Variants in SLC9B1 observed in about 807,000 individuals in gnomAD.
SLC9B1 encodes solute carrier family 9 member B1.
A neutral mutation model predicts 51.7 loss-of-function variants in SLC9B1; 32 were observed. That is an observed-to-expected ratio of 0.62 (90% CI 0.47 to 0.83). SLC9B1 has a LOEUF of 0.83. Among genes scored for constraint, SLC9B1 ranks in the 40% least tolerant of loss-of-function variants. The pLI, the probability that SLC9B1 is intolerant of heterozygous loss-of-function variation, is 0.00. For synonymous variants in SLC9B1, 145 were observed against 212.7 expected, an observed-to-expected ratio of 0.68 and a Z score of 2.77; for missense variants, 406 against 613.2, an observed-to-expected ratio of 0.66 and a Z score of 3.57.
At chr4:102,979,936 G>A (rs777331848) in intron 3 of SLC9B1, among the ~76,000 whole-genome samples, 17 of 151,972 alleles carry the variant, frequency 1.1e-4, no homozygotes, top group Non-Finnish European at 1.5e-4. Flanking sequence ...GTGGGTAAAG[G>A]ACATGAGCAG....
At chr4:102,944,069 G>T (rs1366393305) in intron 6 of SLC9B1, among the ~76,000 whole-genome samples, 1 of 152,120 alleles carries the variant, frequency 6.6e-6, no homozygotes, top group Non-Finnish European at 1.5e-5. Context: ...ACGAGATCAT[G>T]TCCTTTGGAG....
At chr4:102,954,653 A>G (rs1352746057) in intron 3 of SLC9B1, among the ~76,000 whole-genome samples, 1 of 152,136 alleles carries the variant, frequency 6.6e-6, no homozygotes, top group African/African-American at 2.4e-5. Flanking sequence ...AAGACAAATG[A>G]AAGATATTGT....
chr4:102,902,909 T>C (rs2110422956), intron 11 of SLC9B1, among the ~76,000 whole-genome samples: 1 of 152,336 alleles, frequency 6.6e-6, no homozygotes, highest in South Asian at 2.1e-4. Flanking sequence ...AATTTTATGT[T>C]AGCAGCAGAG....
At chr4:102,962,039 C>T in intron 3 of SLC9B1, 1 of 323,946 alleles carries the variant, frequency 3.1e-6, no homozygotes, top group South Asian at 2.6e-5. Context: ...CCTCCATTGC[C>T]TTGCTCTCAG....
chr4:102,998,970 T>A (rs1740371633), intron 1 of SLC9B1, among the ~76,000 whole-genome samples: 1 of 152,260 alleles, frequency 6.6e-6, no homozygotes, highest in East Asian at 1.9e-4. Context: ...AGGGATCCTC[T>A]GCCTCAGCCT....
At chr4:102,940,714 C>G (rs1278467449) in intron 6 of SLC9B1, among the ~76,000 whole-genome samples, 47 of 152,218 alleles carry the variant, frequency 3.1e-4, no homozygotes, top group African/African-American at 1.1e-3. Flanking sequence ...GGGAGAAAAT[C>G]TTTACAAACT....
At chr4:102,930,431 AT>A (rs1007364766) in intron 7 of SLC9B1, among the ~76,000 whole-genome samples, 1 of 152,032 alleles carries the variant, frequency 6.6e-6, no homozygotes, top group African/African-American at 2.4e-5. Flanking sequence ...TTAAAAAAAA[AT>A]TTTTTTTGAG....
chr4:102,998,223 T>A (rs1740327769), intron 1 of SLC9B1, among the ~76,000 whole-genome samples: 2 of 152,314 alleles, frequency 1.3e-5, no homozygotes, highest in East Asian at 3.9e-4. Context: ...TCTGTCTCTA[T>A]GAATGTGAAT....
intron 3 of SLC9B1, among the ~76,000 whole-genome samples, chr4:102,949,886 G>A (rs367944561): frequency 2.0e-5 from 3 of 151,926 alleles, no homozygotes; most frequent in African/African-American, 4.8e-5. Context: ...GCTTGAACCC[G>A]GGAGGTGGAG....
intron 6 of SLC9B1, among the ~76,000 whole-genome samples, chr4:102,942,325 A>C (rs142442299): frequency 6.6e-6 from 1 of 152,278 alleles, no homozygotes; most frequent in East Asian, 1.9e-4. Flanking sequence ...TAGAAAAAGC[A>C]ATCCTAAAAT....
chr4:102,963,014 G>A, intron 3 of SLC9B1: 1 of 458,242 alleles, frequency 2.2e-6, no homozygotes, highest in South Asian at 1.6e-5. Context: ...GATGTGCATG[G>A]TCCACTGTAT....
intron 3 of SLC9B1, among the ~76,000 whole-genome samples, chr4:102,955,751 C>G (rs1244345427): frequency 6.6e-6 from 1 of 150,928 alleles, no homozygotes; most frequent in Non-Finnish European, 1.5e-5. Flanking sequence ...GCTGCACGTT[C>G]TGCACATGTA....
chr4:103,015,746 A>G (rs1004174417), intron 1 of SLC9B1, among the ~76,000 whole-genome samples: 4 of 152,216 alleles, frequency 2.6e-5, no homozygotes, highest in African/African-American at 9.7e-5. Flanking sequence ...AAGTATCAGT[A>G]TCAGGCCGAA....
intron 1 of SLC9B1, among the ~76,000 whole-genome samples, chr4:103,009,914 C>T (rs1221764495): frequency 9.5e-6 from 1 of 105,448 alleles, no homozygotes; most frequent in African/African-American, 4.5e-5. Context: ...CAAACTAGGT[C>T]AGTATTTTTT....
At chr4:103,008,116 G>A (rs946187773) in intron 1 of SLC9B1, among the ~76,000 whole-genome samples, 1 of 151,938 alleles carries the variant, frequency 6.6e-6, no homozygotes, top group African/African-American at 2.4e-5. Flanking sequence ...AATCCTTTTC[G>A]GAATGAGGTA....
chr4:102,894,263 T>C (rs1287562852), intron 11 of SLC9B1, among the ~76,000 whole-genome samples: 1 of 152,206 alleles, frequency 6.6e-6, no homozygotes, highest in Non-Finnish European at 1.5e-5. Flanking sequence ...GTATTTTAAA[T>C]CATGAAACAA....
intron 3 of SLC9B1, among the ~76,000 whole-genome samples, chr4:102,961,380 A>G (rs186264979): frequency 4.9e-3 from 745 of 152,396 alleles, no homozygotes; most frequent in African/African-American, 0.017. Context: ...CTGACTACAT[A>G]CTTCAGATCT....
chr4:102,946,120 A>C (rs2110473361), intron 5 of SLC9B1, among the ~76,000 whole-genome samples: 1 of 152,318 alleles, frequency 6.6e-6, no homozygotes, highest in Middle Eastern at 3.4e-3. Context: ...TCTCCATAGA[A>C]GAGCCTCCCA....
intron 3 of SLC9B1, among the ~76,000 whole-genome samples, chr4:102,950,713 G>A (rs1235634819): frequency 6.6e-6 from 1 of 152,190 alleles, no homozygotes; most frequent in Non-Finnish European, 1.5e-5. Flanking sequence ...AATGGACCAG[G>A]CTGGGCATGG....
Sources: allele counts gnomAD v4.1 joint callset (sites outside exome capture counted in the v4.1 genomes callset), GRCh38; gene constraint gnomAD v4.1.1; transcripts MANE v1.5; gene names NCBI Gene and HGNC (gene_info 2026-07-23, HGNC 2026-07-21).